The following ANKRD55 variants were observed in gnomAD, a reference collection of about 807,000 sequenced individuals.
The protein encoded by ANKRD55 is ankyrin repeat domain-containing protein 55.
In ANKRD55, 41 loss-of-function variants were observed where a neutral mutation model predicts 60.6. That is an observed-to-expected ratio of 0.68 (90% CI 0.53 to 0.88). ANKRD55 has a LOEUF of 0.88. Ranked by LOEUF, ANKRD55 falls within the 40% of genes least tolerant of loss-of-function variation. The probability of loss-of-function intolerance (pLI) is 0.00; values close to 1 mark genes in which losing one functional copy is unlikely to be tolerated. For missense variants in ANKRD55, 732 were observed against 767.6 expected (o/e 0.95, Z 0.55); for synonymous variants, 264 against 290.3 (o/e 0.91, Z 0.92).
intron 2 of ANKRD55, among the ~76,000 whole-genome samples, chr5:56,229,353 C>G (rs1760193552): frequency 6.6e-6 from 1 of 152,098 alleles, no homozygotes; most frequent in African/African-American, 2.4e-5. Context: ...ATGGTGAAAG[C>G]TGAAGGCACA....
At chr5:56,119,246 AAAAG>A (rs1756971481) in intron 8 of ANKRD55, among the ~76,000 whole-genome samples, 1 of 152,244 alleles carries the variant, frequency 6.6e-6, no homozygotes, top group Admixed American at 6.5e-5. Flanking sequence ...TCAGTAGTGA[AAAAG>A]AACAGACTGC....
intron 7 of ANKRD55, among the ~76,000 whole-genome samples, chr5:56,132,387 T>C (rs1343723953): frequency 6.8e-6 from 1 of 147,900 alleles, no homozygotes; most frequent in Non-Finnish European, 1.5e-5. Context: ...GAGACCATCC[T>C]GGCTAACACG....
chr5:56,113,939 T>C (rs1396964729), intron 9 of ANKRD55, among the ~76,000 whole-genome samples: 1 of 150,370 alleles, frequency 6.7e-6, no homozygotes, highest in East Asian at 1.9e-4. Flanking sequence ...CGTGAGTCAC[T>C]GCGCTCGACC....
chr5:56,195,507 G>A lies in ANKRD55; in HGVS notation c.59-11873C>T, dbSNP rs558363674. Among the ~76,000 whole-genome samples, 7 of 152,092 alleles carry A rather than the reference G, an allele frequency of 4.6e-5. No individual in the cohort carries two copies. The South Asian group carries it at 6.2e-4, about 14-fold the overall frequency. On this transcript the variant is annotated intron_variant, in intron 2 of 11. Transcript: ENST00000341048. ...CCCCCAGGCTGGAGTGCAGTGTCGC[G>A]ATCTCGGCTCACTGCAACTTCTGCC...
intron 2 of ANKRD55, among the ~76,000 whole-genome samples, chr5:56,211,232 G>A (rs919078765): frequency 1.3e-5 from 2 of 152,138 alleles, no homozygotes; most frequent in Admixed American, 1.3e-4. Flanking sequence ...CAGTATCTCC[G>A]AGTCTCTATA....
chr5:56,119,300 T>A (rs191569207), intron 8 of ANKRD55, among the ~76,000 whole-genome samples: 1 of 152,318 alleles, frequency 6.6e-6, no homozygotes, highest in East Asian at 1.9e-4. Context: ...AAATGCATTC[T>A]GCTAAGTGAA....
At chr5:56,163,015 C>T (rs1758369626) in intron 5 of ANKRD55, among the ~76,000 whole-genome samples, 2 of 152,114 alleles carry the variant, frequency 1.3e-5, no homozygotes, top group African/African-American at 4.8e-5. Context: ...TCTCCAGTTG[C>T]CACCCTTTAA....
At chr5:56,219,536 A>T (rs944745224) in intron 2 of ANKRD55, among the ~76,000 whole-genome samples, 2 of 152,230 alleles carry the variant, frequency 1.3e-5, no homozygotes, top group African/African-American at 4.8e-5. Context: ...GATTGAAGGT[A>T]AATATTAGGG....
chr5:56,207,055 G>A (rs1010173190), intron 2 of ANKRD55, among the ~76,000 whole-genome samples: 6 of 152,314 alleles, frequency 3.9e-5, no homozygotes, highest in Middle Eastern at 3.4e-3. Flanking sequence ...CTAACACTAA[G>A]GCCATTTTGT....
intron 4 of ANKRD55, among the ~76,000 whole-genome samples, chr5:56,173,523 G>A (rs1340403449): frequency 3.8e-5 from 5 of 131,080 alleles, no homozygotes; most frequent in African/African-American, 1.4e-4. Context: ...CAAATAATAC[G>A]TTAAATGTAG....
chr5:56,226,062 C>G (rs1296150269), intron 2 of ANKRD55, among the ~76,000 whole-genome samples: 1 of 152,198 alleles, frequency 6.6e-6, no homozygotes, highest in Non-Finnish European at 1.5e-5. Flanking sequence ...AGAGGCATCA[C>G]GCTACCTGAC....
At chr5:56,152,021 A>C (rs2111777378) in intron 6 of ANKRD55, among the ~76,000 whole-genome samples, 1 of 148,522 alleles carries the variant, frequency 6.7e-6, no homozygotes, top group Admixed American at 6.8e-5. Context: ...GGGGATACAA[A>C]GATAAAAAAA....
At chr5:56,121,190 C>T (rs577178112) in intron 8 of ANKRD55, among the ~76,000 whole-genome samples, 2 of 152,172 alleles carry the variant, frequency 1.3e-5, no homozygotes, top group Non-Finnish European at 2.9e-5. Context: ...ATTCCAGAAC[C>T]AAGGCACACA....
rs1366458021 is a variant in ANKRD55, at chr5:56,133,628, A to C, written c.613-6522T>G. ...ATCATACAATGCAGGCTTTCAGACC[A>C]TGGTAGCATTAAACTACAAATCAAC... On this transcript the variant is annotated intron_variant, in intron 7 of 11. Transcript: ENST00000341048. 1.8e-5 allele frequency among the ~76,000 whole-genome samples: 2 copies of C among 112,772 alleles called. 1 individual carries two copies. The highest frequency in any genetic ancestry group is 4.2e-5 in the Non-Finnish European group (2 of 48,140). The allele number at this position is 112,772 out of a possible 152,430, so 74.0% of individuals were successfully genotyped here. A position where few individuals can be genotyped will look rare whatever the true frequency, so the allele number is the denominator to read the frequency against.
In ANKRD55 at chr5:56,127,054, G is replaced by GAC; in HGVS notation, c.663_664dup (p.Ser222CysfsTer3). On this transcript the variant is annotated frameshift_variant, in exon 8 of 12. Transcript: ENST00000341048. LOFTEE classifies it high-confidence loss of function. ...ACTCTCATCATCATAGTTGATTATGGACGGCCCCTGGTGATGGCTCAGAAT... is the reference window on the plus strand; with the variant it reads ...ACTCTCATCATCATAGTTGATTATGGACACGGCCCCTGGTGATGGCTCAGAAT... 6.2e-7 allele frequency: 1 copy of GAC among 1,613,684 alleles called. No homozygotes were observed. The highest frequency in any genetic ancestry group is 1.1e-5 in the South Asian group (1 of 90,940).
At chr5:56,141,237 G>A (rs1757757005) in intron 7 of ANKRD55, among the ~76,000 whole-genome samples, 1 of 149,196 alleles carries the variant, frequency 6.7e-6, no homozygotes, top group African/African-American at 2.5e-5. Context: ...TTCCCAAAGA[G>A]GTGAGATTAT....
At chr5:56,143,671 C>G (rs1297728540) in intron 7 of ANKRD55, 130 bp downstream of exon 7, 1 of 1,351,700 alleles carries the variant, frequency 7.4e-7, no homozygotes, top group African/African-American at 1.5e-5. Flanking sequence ...GGCAGGGTTT[C>G]TTTTCAACAA....
chr5:56,124,253 T>G (rs1757167271), intron 8 of ANKRD55, among the ~76,000 whole-genome samples: 1 of 152,266 alleles, frequency 6.6e-6, no homozygotes, highest in South Asian at 2.1e-4. Context: ...CTGTGTCATA[T>G]CTTAGGTAAG....
chr5:56,222,043 C>T (rs1033178805), intron 2 of ANKRD55, among the ~76,000 whole-genome samples: 2 of 152,206 alleles, frequency 1.3e-5, no homozygotes, highest in African/African-American at 4.8e-5. Flanking sequence ...AGATAGACTG[C>T]CTCCTCAAGT....
Sources: gnomAD v4.1 joint callset for allele counts (sites outside exome capture counted in the v4.1 genomes callset) on GRCh38, gnomAD v4.1.1 for gene constraint, MANE v1.5 for transcripts, NCBI Gene and HGNC (gene_info 2026-07-23, HGNC 2026-07-21) for gene names.